The following CTDSPL2 variants were observed in gnomAD, a reference collection of about 807,000 sequenced individuals.
CTDSPL2 encodes the protein CTD small phosphatase-like protein 2.
In CTDSPL2, 5 loss-of-function variants were observed where a neutral mutation model predicts 60.0. That is an observed-to-expected ratio of 0.08 (90% CI 0.04 to 0.18). CTDSPL2 has a LOEUF of 0.18. CTDSPL2 is among the 10% of genes least tolerant of loss of function. The pLI is 1.00. For synonymous variants in CTDSPL2, 186 were observed against 189.3 expected (o/e 0.98, Z 0.14); for missense variants, 370 against 548.8 (o/e 0.67, Z 3.26).
In CTDSPL2 at chr15:44,459,142, A is replaced by C. The variant is rs1269563996; in HGVS notation, c.128A>C (p.Lys43Thr). 1 of 1,613,084 alleles carries C rather than the reference A, an allele frequency of 6.2e-7. No individual in the cohort carries two copies. The highest frequency in any genetic ancestry group is 1.1e-5 in the South Asian group (1 of 90,968). Residue 43 changes from lysine to threonine, a missense_variant, in exon 2 of 13, where the codon AAG (lysine) becomes ACG (threonine). Coordinates refer to ENST00000260327, the MANE Select transcript of CTDSPL2 (RefSeq NM_016396.3). ...CCTTCAGGAGGAGAAAAACCATCGA[A>C]GAATGAAACCGGCTTGTTGTCTTCA... ...SLPSGGEKPS[K>T]NETGLLSSIK...
At chr15:44,443,677 G>A (rs1378449231) in intron 1 of CTDSPL2, among the ~76,000 whole-genome samples, 1 of 152,126 alleles carries the variant, frequency 6.6e-6, no homozygotes, top group Non-Finnish European at 1.5e-5. Flanking sequence ...GTGATGTCAA[G>A]TGTGTTTTCA....
At chr15:44,433,563 A>G (rs150964675) in intron 1 of CTDSPL2, among the ~76,000 whole-genome samples, 4,579 of 151,310 alleles carry the variant, frequency 0.03, 248 homozygotes, top group African/African-American at 0.11. Context: ...GCTCACTGCA[A>G]CCTCCGCCTC....
chr15:44,447,601 C>G (rs1037871475), intron 1 of CTDSPL2: 27 of 153,506 alleles, frequency 1.8e-4, no homozygotes, highest in African/African-American at 6.3e-4. Context: ...CCATCAATCT[C>G]TTGGCCACTC....
Position 44,528,422 on chromosome 15 carries a change from G to T in CTDSPL2, c.*4248G>T, listed in dbSNP as rs1164736745. ...CCTGGTGATTCTAATAGCCAGTATTGGGTAATCAATGTTTTAGCTAAATGT... is the reference window on the plus strand; with the variant it reads ...CCTGGTGATTCTAATAGCCAGTATTTGGTAATCAATGTTTTAGCTAAATGT... On this transcript the variant is annotated 3_prime_UTR_variant, in exon 13 of 13. Coordinates refer to ENST00000260327, the MANE Select transcript of CTDSPL2 (RefSeq NM_016396.3). 6.7e-5 allele frequency: 10 copies of T among 150,374 alleles called. No individual in the cohort carries two copies. The highest frequency in any genetic ancestry group is 3.5e-3 in the Middle Eastern group (1 of 288). The allele number at this position is 150,374 out of a possible 1,614,324, so 9.3% of individuals were successfully genotyped here.
intron 1 of CTDSPL2, among the ~76,000 whole-genome samples, chr15:44,452,327 T>C (rs955216223): frequency 1.1e-4 from 16 of 152,188 alleles, no homozygotes; most frequent in African/African-American, 3.9e-4. Flanking sequence ...TCTGCCATTG[T>C]TTAGCATGTC....
intron 1 of CTDSPL2, among the ~76,000 whole-genome samples, chr15:44,434,534 C>T (rs1319650269): frequency 6.6e-6 from 1 of 152,224 alleles, no homozygotes; most frequent in African/African-American, 2.4e-5. Flanking sequence ...GTTGGAACTA[C>T]AGGTGTGCAC....
chr15:44,523,000 T>C (rs950277353), intron 12 of CTDSPL2, among the ~76,000 whole-genome samples: 1 of 151,854 alleles, frequency 6.6e-6, no homozygotes, highest in Non-Finnish European at 1.5e-5. Context: ...CCCACTGTTT[T>C]TTGTTTGTTT....
At position 44,497,621 on chromosome 15, in the gene CTDSPL2, C is replaced by T. The variant is rs901735247; in HGVS notation, c.882+483C>T. Among the ~76,000 whole-genome samples the T allele has an allele frequency of 5.3e-5, 8 of 152,266 alleles. No individual in the cohort carries two copies. The South Asian group carries it at 1.2e-3, about 24-fold the overall frequency. On this transcript the variant is annotated intron_variant, in intron 7 of 12. Coordinates refer to ENST00000260327, the MANE Select transcript of CTDSPL2 (RefSeq NM_016396.3). The stretch of plus-strand genomic sequence containing the variant: ...TCCTGACCTCATGATCCGCCCGCCT[C>T]GGCCTCCCAAAGTGTTGGAATTACA...
intron 1 of CTDSPL2, among the ~76,000 whole-genome samples, chr15:44,444,829 G>C (rs920861272): frequency 7.3e-6 from 1 of 136,754 alleles, no homozygotes; most frequent in Admixed American, 7.3e-5. Flanking sequence ...TTGAGATATG[G>C]AATGTAGTTT....
chr15:44,444,698 T>G (rs1213099537), intron 1 of CTDSPL2, among the ~76,000 whole-genome samples: 1 of 151,396 alleles, frequency 6.6e-6, no homozygotes, highest in African/African-American at 2.4e-5. Flanking sequence ...TGATCAATTT[T>G]GAGTTAATTT....
At chr15:44,431,688 A>T (rs2141250946) in intron 1 of CTDSPL2, among the ~76,000 whole-genome samples, 1 of 149,410 alleles carries the variant, frequency 6.7e-6, no homozygotes, top group South Asian at 2.1e-4. Context: ...AGGAGAGTTA[A>T]GTTTTTTGTT....
In CTDSPL2 at chr15:44,480,187, C is replaced by A. The variant is rs193112404; in HGVS notation, c.187-4037C>A. Among the ~76,000 whole-genome samples the A allele has an allele frequency of 1.7e-3, 256 of 152,130 alleles. 1 individual carries two copies. The highest frequency in any genetic ancestry group is 6.0e-3 in the African/African-American group (248 of 41,512). On this transcript the variant is annotated intron_variant, in intron 2 of 12. Coordinates refer to ENST00000260327, the MANE Select transcript of CTDSPL2 (RefSeq NM_016396.3). The stretch of plus-strand genomic sequence containing the variant: ...TGTCATTTCAATTCTAGCCATAGAC[C>A]CCCTATGCTATTGGATTGGACAGCA...
chr15:44,447,313 T>C (rs1384354837), intron 1 of CTDSPL2, among the ~76,000 whole-genome samples: 4 of 152,218 alleles, frequency 2.6e-5, no homozygotes, highest in African/African-American at 7.2e-5. Context: ...GAATTGGTTT[T>C]CTTTTTTTAT....
chr15:44,484,329 T>C lies in CTDSPL2; in HGVS notation c.292T>C (p.Ser98Pro), dbSNP rs947548790. Residue 98 changes from serine to proline, a missense_variant, in exon 3 of 13, where the codon TCT becomes CCT. By Grantham distance (74) the Ser-to-Pro change is moderately conservative. Around this residue, in one of 6 missense-constraint regions of CTDSPL2, gnomAD observed 287 missense variants for 296.1 expected, o/e 0.97. Coordinates refer to ENST00000260327, the MANE Select transcript of CTDSPL2 (RefSeq NM_016396.3). Reference protein sequence around the residue: ...RAGEKPNKQISRVRRKSQVNG... With the variant: ...RAGEKPNKQIPRVRRKSQVNG... ...AGGAGAAAAACCTAACAAACAGATA[T>C]CTCGAGTAAGACGGAAAAGTCAAGT... The C allele has an allele frequency of 1.1e-5, 17 of 1,613,626 alleles. No individual in the cohort carries two copies. Among genetic ancestry groups the C allele is most frequent in the African/African-American group, 1.3e-5 (1 of 74,898 alleles).
intron 2 of CTDSPL2, among the ~76,000 whole-genome samples, chr15:44,472,753 T>TC (rs994676451): frequency 6.6e-6 from 1 of 152,218 alleles, no homozygotes; most frequent in African/African-American, 2.4e-5. Flanking sequence ...AACTTCTACC[T>TC]CCTGTGTTCA....
chr15:44,464,758 A>G (rs986046459), intron 2 of CTDSPL2, among the ~76,000 whole-genome samples: 16 of 152,038 alleles, frequency 1.1e-4, no homozygotes, highest in Admixed American at 9.8e-4. Context: ...CCAGGCTGGA[A>G]TGCAGTGGCG....
chr15:44,429,865 CA>C (rs1342601942), intron 1 of CTDSPL2, among the ~76,000 whole-genome samples: 2 of 150,170 alleles, frequency 1.3e-5, no homozygotes, highest in East Asian at 3.9e-4. Context: ...GACTCCGTCT[CA>C]AAAAAAAAGA....
intron 1 of CTDSPL2, among the ~76,000 whole-genome samples, chr15:44,436,481 A>G (rs2079984404): frequency 6.6e-6 from 1 of 152,154 alleles, no homozygotes; most frequent in Admixed American, 6.5e-5. Context: ...TTTATTTTTT[A>G]GGTAAAATTT....
chr15:44,493,320 A>G (rs915189582), intron 5 of CTDSPL2, among the ~76,000 whole-genome samples: 1 of 152,216 alleles, frequency 6.6e-6, no homozygotes, highest in African/African-American at 2.4e-5. Flanking sequence ...AACTTTGAGA[A>G]CATAGCCAAA....
Sources: allele counts gnomAD v4.1 joint callset (sites outside exome capture counted in the v4.1 genomes callset), GRCh38; gene constraint gnomAD v4.1.1; regional missense constraint gnomAD v4.1.1; transcripts MANE v1.5; gene names NCBI Gene and HGNC (gene_info 2026-07-23, HGNC 2026-07-21).